The following CASR variants were observed in gnomAD, a reference collection of about 807,000 sequenced individuals.
CASR encodes the protein extracellular calcium-sensing receptor.
In CASR, 23 loss-of-function variants were observed where a neutral mutation model predicts 69.1. That is an observed-to-expected ratio of 0.33 (90% CI 0.24 to 0.47). The LOEUF (loss-of-function observed/expected upper bound fraction) is 0.47, where lower values mean the gene tolerates loss of function less well. CASR is among the 20% of genes least tolerant of loss of function. The pLI, the probability that CASR is intolerant of heterozygous loss-of-function variation, is 1.00. For synonymous variants in CASR, 541 were observed against 544.7 expected (o/e 0.99, Z 0.10); for missense variants, 924 against 1,356.1 (o/e 0.68, Z 5.00).
intron 4 of CASR, among the ~76,000 whole-genome samples, chr3:122,264,191 A>G (rs1356730312): frequency 1.3e-5 from 2 of 151,926 alleles, no homozygotes; most frequent in Admixed American, 6.5e-5. Context: ...AAATTGGCAT[A>G]AACAAAAAAA....
intron 5 of CASR, among the ~76,000 whole-genome samples, chr3:122,280,612 A>T (rs1480380760): frequency 6.6e-6 from 1 of 152,176 alleles, no homozygotes; most frequent in Non-Finnish European, 1.5e-5. Flanking sequence ...TCCCTGGGTC[A>T]TGAGAGTCTT....
At chr3:122,208,411 T>G (rs2107593422) in intron 1 of CASR, among the ~76,000 whole-genome samples, 1 of 152,332 alleles carries the variant, frequency 6.6e-6, no homozygotes, top group African/African-American at 2.4e-5. Flanking sequence ...ATGATCTTTT[T>G]TTTCTAAACC....
chr3:122,195,914 T>C (rs1193738096), intron 1 of CASR, among the ~76,000 whole-genome samples: 1 of 152,188 alleles, frequency 6.6e-6, no homozygotes, highest in Non-Finnish European at 1.5e-5. Context: ...AATTTAGCAA[T>C]ACATATAAAA....
At chr3:122,189,733 TTTTG>T (rs1282917885) in intron 1 of CASR, among the ~76,000 whole-genome samples, 4 of 152,164 alleles carry the variant, frequency 2.6e-5, no homozygotes, top group South Asian at 2.1e-4. Context: ...TAAGCATATT[TTTTG>T]TTTATCTTTT....
chr3:122,245,820 G>A (rs2074422332), intron 1 of CASR, among the ~76,000 whole-genome samples: 1 of 152,160 alleles, frequency 6.6e-6, no homozygotes, highest in African/African-American at 2.4e-5. Context: ...ATCCAATTTT[G>A]TGCACCTGCG....
chr3:122,258,828 T>C (rs2074585959), intron 3 of CASR, among the ~76,000 whole-genome samples: 1 of 151,940 alleles, frequency 6.6e-6, no homozygotes, highest in South Asian at 2.1e-4. Flanking sequence ...TAAGTCCCAC[T>C]CCGCAAAGAT....
intron 1 of CASR, among the ~76,000 whole-genome samples, chr3:122,195,684 A>C (rs1227390383): frequency 6.6e-6 from 1 of 152,236 alleles, no homozygotes; most frequent in Non-Finnish European, 1.5e-5. Flanking sequence ...ACACATGGGG[A>C]AACTGAACTT....
intron 1 of CASR, among the ~76,000 whole-genome samples, chr3:122,190,357 C>A (rs2073827558): frequency 1.3e-5 from 2 of 152,194 alleles, no homozygotes; most frequent in Admixed American, 1.3e-4. Flanking sequence ...ATACTCCATG[C>A]AATTATCAAC....
At chr3:122,194,251 C>T (rs141634789) in intron 1 of CASR, among the ~76,000 whole-genome samples, 1 of 152,308 alleles carries the variant, frequency 6.6e-6, no homozygotes, top group Non-Finnish European at 1.5e-5. Flanking sequence ...CACTCAGCTG[C>T]ATCTGTTGTT....
At chr3:122,278,421 T>C (rs3792291) in intron 5 of CASR, among the ~76,000 whole-genome samples, 15,334 of 152,102 alleles carry the variant, frequency 0.1, 1,524 homozygotes, top group East Asian at 0.52. Flanking sequence ...ACCTCAGTGC[T>C]CCATTCCCTA....
In CASR at chr3:122,261,629, A is replaced by G. The variant is rs1369140529; in HGVS notation, c.594A>G (p.Ala198=). Residue 198 remains alanine (A), a synonymous_variant, in exon 4 of 7, where the codon GCA becomes GCG. Coordinates refer to ENST00000639785, the MANE Select transcript of CASR (RefSeq NM_000388.4). The part of the protein sequence containing the change: ...PNDEHQATAM[A]DIIEYFRWNW... ...ATGAGCACCAGGCCACTGCCATGGC[A>G]GACATCATCGAGTATTTCCGCTGGA... 1 of 1,614,210 alleles carries G rather than the reference A, an allele frequency of 6.2e-7. No homozygotes were observed. Among genetic ancestry groups the G allele is most frequent in the Admixed American group, 1.7e-5 (1 of 60,036 alleles).
intron 1 of CASR, among the ~76,000 whole-genome samples, chr3:122,242,160 A>G (rs2107615371): frequency 6.6e-6 from 1 of 152,262 alleles, no homozygotes; most frequent in South Asian, 2.1e-4. Context: ...TTATTAACAT[A>G]GTACCGGAGT....
chr3:122,277,465 T>C (rs144562019), intron 5 of CASR, among the ~76,000 whole-genome samples: 1 of 152,330 alleles, frequency 6.6e-6, no homozygotes, highest in East Asian at 1.9e-4. Context: ...AGTATGTAGA[T>C]GGATTACCAC....
At chr3:122,216,628 A>G (rs2074119853) in intron 1 of CASR, among the ~76,000 whole-genome samples, 1 of 152,258 alleles carries the variant, frequency 6.6e-6, no homozygotes, top group Non-Finnish European at 1.5e-5. Context: ...AGTAATAACT[A>G]TACCATTCTA....
At chr3:122,254,988 C>T (rs1446063312) in intron 2 of CASR, among the ~76,000 whole-genome samples, 1 of 144,432 alleles carries the variant, frequency 6.9e-6, no homozygotes, top group Admixed American at 6.9e-5. Context: ...GCCAAGAATG[C>T]ATCTCACTCT....
chr3:122,269,187 A>C (rs1393199), intron 4 of CASR, among the ~76,000 whole-genome samples: 85,598 of 152,068 alleles, frequency 0.56, 26,486 homozygotes, highest in Middle Eastern at 0.74. Context: ...ATTTCAGTTT[A>C]GAATTTAGAT....
intron 2 of CASR, among the ~76,000 whole-genome samples, chr3:122,255,187 C>T (rs1444370893): frequency 6.6e-6 from 1 of 152,100 alleles, no homozygotes; most frequent in East Asian, 1.9e-4. Context: ...ATATAGTCTC[C>T]AGGGTGAGGC....
chr3:122,261,581 T>A lies in CASR; in HGVS notation c.546T>A (p.Ser182=), dbSNP rs200545177. ...RLLSNKNQFK[S]FLRTIPNDEH... is the part of the protein sequence containing the mutation. ...TCAGCAACAAGAATCAATTCAAGTC[T>A]TTCCTCCGAACCATCCCCAATGATG... is the stretch of plus-strand genomic sequence containing the variant. Residue 182 remains serine, a synonymous_variant, in exon 4 of 7, where the codon TCT becomes TCA. Transcript: ENST00000639785. The A allele has an allele frequency of 3.3e-5, 53 of 1,614,204 alleles. No homozygotes were observed. The African/African-American group carries it at 6.1e-4, about 19-fold the overall frequency.
intron 1 of CASR, among the ~76,000 whole-genome samples, chr3:122,185,186 T>C (rs192992772): frequency 1.2e-4 from 19 of 152,340 alleles, no homozygotes; most frequent in African/African-American, 4.1e-4. Flanking sequence ...AGTCAAATAA[T>C]ACAAACATTT....
Sources: allele counts gnomAD v4.1 joint callset (sites outside exome capture counted in the v4.1 genomes callset), GRCh38; gene constraint gnomAD v4.1.1; transcripts MANE v1.5; gene names NCBI Gene and HGNC (gene_info 2026-07-23, HGNC 2026-07-21).